The following GABRG3 variants were observed in gnomAD, a reference collection of about 807,000 sequenced individuals.
GABRG3 encodes gamma-aminobutyric acid receptor subunit gamma-3.
Under a neutral mutation model 48.8 loss-of-function variants are expected in GABRG3, and 25 were observed. The ratio of observed to expected loss-of-function variants is 0.51; its 90% CI spans 0.37 to 0.72. The LOEUF (loss-of-function observed/expected upper bound fraction) is 0.72. Among genes scored for constraint, GABRG3 ranks in the 30% least tolerant of loss-of-function variants. The pLI is 0.00. For synonymous variants in GABRG3, 227 were observed against 217.6 expected (o/e 1.04, Z -0.38); for missense variants, 394 against 577.9 (o/e 0.68, Z 3.26).
chr15:27,149,358 A>G (rs1351249706), intron 3 of GABRG3, among the ~76,000 whole-genome samples: 1 of 152,216 alleles, frequency 6.6e-6, no homozygotes, highest in Non-Finnish European at 1.5e-5. Flanking sequence ...AAATGGAAAG[A>G]CAGCTCATGT....
At chr15:27,257,713 C>G (rs2140464284) in intron 3 of GABRG3, among the ~76,000 whole-genome samples, 1 of 152,202 alleles carries the variant, frequency 6.6e-6, no homozygotes, top group East Asian at 1.9e-4. Flanking sequence ...TGCTCTGTTG[C>G]CCAGGCTGGG....
intron 3 of GABRG3, among the ~76,000 whole-genome samples, chr15:27,070,996 G>A (rs919809378): frequency 1.3e-5 from 2 of 152,180 alleles, no homozygotes; most frequent in Admixed American, 1.3e-4. Flanking sequence ...CCTGCTTGGT[G>A]GCTGCTTTCT....
chr15:27,140,290 C>T (rs1898080922), intron 3 of GABRG3, among the ~76,000 whole-genome samples: 1 of 152,102 alleles, frequency 6.6e-6, no homozygotes, highest in Admixed American at 6.6e-5. Flanking sequence ...GACGCTATCT[C>T]CAGGTGGACA....
At chr15:27,354,843 G>A (rs995179401) in intron 5 of GABRG3, among the ~76,000 whole-genome samples, 3 of 152,210 alleles carry the variant, frequency 2.0e-5, no homozygotes, top group Non-Finnish European at 4.4e-5. Context: ...TTCAGTGGCT[G>A]CAGCTGCTAC....
intron 5 of GABRG3, among the ~76,000 whole-genome samples, chr15:27,412,575 A>G (rs1887829053): frequency 6.6e-6 from 1 of 152,202 alleles, no homozygotes; most frequent in African/African-American, 2.4e-5. Flanking sequence ...TCAGTGAACT[A>G]AGCTCATGGA....
intron 3 of GABRG3, among the ~76,000 whole-genome samples, chr15:27,044,961 A>ATT: frequency 6.6e-6 from 1 of 152,254 alleles, no homozygotes. Context: ...GCTGGTATGG[A>ATT]GGCCTCTAAA....
intron 5 of GABRG3, among the ~76,000 whole-genome samples, chr15:27,472,580 A>G (rs1889818861): frequency 6.6e-6 from 1 of 152,108 alleles, no homozygotes; most frequent in African/African-American, 2.4e-5. Flanking sequence ...CTGGCAACAT[A>G]TGTTGCTTTC....
chr15:27,354,145 T>A (rs574890268), intron 5 of GABRG3, among the ~76,000 whole-genome samples: 1 of 152,302 alleles, frequency 6.6e-6, no homozygotes, highest in East Asian at 1.9e-4. Context: ...CTTCGTCTCA[T>A]AGCCTGAAAA....
chr15:27,320,357 A>G (rs559794480), intron 3 of GABRG3, among the ~76,000 whole-genome samples: 10 of 152,196 alleles, frequency 6.6e-5, no homozygotes, highest in African/African-American at 2.4e-4. Context: ...TCTGTCTAGG[A>G]TGAAGTGCAC....
chr15:27,339,529 T>G (rs986792616), intron 5 of GABRG3, among the ~76,000 whole-genome samples: 1 of 152,230 alleles, frequency 6.6e-6, no homozygotes, highest in African/African-American at 2.4e-5. Context: ...ACTGTAGACT[T>G]GCACACCTTG....
At chr15:27,316,898 GA>G (rs1893250034) in intron 3 of GABRG3, among the ~76,000 whole-genome samples, 1 of 152,064 alleles carries the variant, frequency 6.6e-6, no homozygotes, top group Non-Finnish European at 1.5e-5. Flanking sequence ...CAGAGAATCT[GA>G]AAATTTTAGT....
chr15:27,095,004 G>A (rs987471586), intron 3 of GABRG3, among the ~76,000 whole-genome samples: 1 of 152,158 alleles, frequency 6.6e-6, no homozygotes, highest in South Asian at 2.1e-4. Context: ...CTTTACAGCT[G>A]TACCTCAAAG....
intron 3 of GABRG3, among the ~76,000 whole-genome samples, chr15:27,253,435 T>G (rs1348359196): frequency 6.6e-6 from 1 of 152,206 alleles, no homozygotes; most frequent in Admixed American, 6.5e-5. Context: ...AGCTGTCCAC[T>G]CAGCTGGCCC....
intron 2 of GABRG3, among the ~76,000 whole-genome samples, chr15:26,986,124 C>T (rs1895147004): frequency 6.6e-6 from 1 of 152,120 alleles, no homozygotes; most frequent in Non-Finnish European, 1.5e-5. Context: ...TTCAGCCTGG[C>T]CAGTCCTCAC....
chr15:26,984,410 G>T (rs1895113909), intron 2 of GABRG3, among the ~76,000 whole-genome samples: 1 of 152,160 alleles, frequency 6.6e-6, no homozygotes, highest in South Asian at 2.1e-4. Flanking sequence ...ATGTTGCGTG[G>T]AAGTAACAAA....
At chr15:27,005,456 A>G (rs187825798) in intron 2 of GABRG3, among the ~76,000 whole-genome samples, 110 of 152,314 alleles carry the variant, frequency 7.2e-4, no homozygotes, top group African/African-American at 2.5e-3. Flanking sequence ...TTAAGTTAAA[A>G]AGAAATTGTG....
At chr15:27,523,070 C>CA (rs898800692) in intron 7 of GABRG3, among the ~76,000 whole-genome samples, 56 of 151,728 alleles carry the variant, frequency 3.7e-4, no homozygotes, top group African/African-American at 1.3e-3. Flanking sequence ...CTGCCATACA[C>CA]AAAAAATTAC....
rs1894673324 is a variant in GABRG3, at chr15:27,352,863, C to G, written c.574+23975C>G. Among the ~76,000 whole-genome samples the G allele has an allele frequency of 6.6e-6, 1 of 152,096 alleles. No homozygotes were observed. Among genetic ancestry groups the G allele is most frequent in the South Asian group, 2.1e-4 (1 of 4,828 alleles). ...ACTATGGGGGGCGTAAAATAAGACT[C>G]CAGCACATGCTCACTTGGTAAGTCA... On this transcript the variant is annotated intron_variant, in intron 5 of 9. Coordinates refer to ENST00000615808, the MANE Select transcript of GABRG3 (RefSeq NM_033223.5). The surrounding 1 kb of genome is among the most constrained non-coding windows in gnomAD (Gnocchi z 4.0).
intron 5 of GABRG3, among the ~76,000 whole-genome samples, chr15:27,374,753 C>T (rs756930683): frequency 7.2e-5 from 11 of 152,048 alleles, no homozygotes; most frequent in African/African-American, 1.9e-4. Flanking sequence ...TGATGGAGGA[C>T]GAGGATGCTG....
Sources: gnomAD v4.1 joint callset for allele counts (sites outside exome capture counted in the v4.1 genomes callset) on GRCh38, gnomAD v4.1.1 for gene constraint, Gnocchi (gnomAD v3.1) non-coding constraint, MANE v1.5 for transcripts, NCBI Gene and HGNC (gene_info 2026-07-23, HGNC 2026-07-21) for gene names.